MKRN2: variants seen among roughly 807,000 people sequenced by gnomAD.
MKRN2 encodes makorin ring finger protein 2.
Under a neutral mutation model 45.4 loss-of-function variants are expected in MKRN2, and 32 were observed. That is an observed-to-expected ratio of 0.70 (90% confidence interval 0.53 to 0.95). The LOEUF is 0.95. Among genes scored for constraint, MKRN2 ranks in the 40% least tolerant of loss-of-function variants. The pLI is 0.00. For missense variants in MKRN2, 526 were observed against 536.7 expected, an observed-to-expected ratio of 0.98 and a Z score of 0.20; for synonymous variants, 206 against 192.4, an observed-to-expected ratio of 1.07 and a Z score of -0.59.
chr3:12,577,472 T>C (rs541685645), intron 6 of MKRN2, among the ~76,000 whole-genome samples: 1 of 152,344 alleles, frequency 6.6e-6, no homozygotes, highest in East Asian at 1.9e-4. Flanking sequence ...TTTCAATCTT[T>C]TTTTCTTTTC....
intron 1 of MKRN2, among the ~76,000 whole-genome samples, chr3:12,557,422 C>T (rs1329657441): frequency 6.6e-6 from 1 of 152,208 alleles, no homozygotes; most frequent in Non-Finnish European, 1.5e-5. Context: ...GAAGCGTGGC[C>T]CCTGTGGGCT....
chr3:12,567,769 G>A (rs891384090), intron 1 of MKRN2, among the ~76,000 whole-genome samples: 1 of 152,024 alleles, frequency 6.6e-6, no homozygotes, highest in Non-Finnish European at 1.5e-5. Context: ...AGGATTACAG[G>A]TGTGAGCCAC....
rs940955490 is a variant in MKRN2 at position 12,583,569 on chromosome 3, G to C, written c.*1316G>C. The C allele has an allele frequency of 4.5e-6, 1 of 223,112 alleles. No homozygotes were observed. Among genetic ancestry groups the C allele is most frequent in the Non-Finnish European group, 8.9e-6 (1 of 111,842 alleles). 13.8% of individuals were successfully genotyped at this position (223,112 alleles called of 1,614,324 possible). A position where few individuals can be genotyped will look rare whatever the true frequency, so the allele number is the denominator to read the frequency against. ...ATGGGGCATTCAAGTTGTGAGCTCA[G>C]AATTACTTTAAAAGGAGGTAACAGC... On this transcript the variant is annotated 3_prime_UTR_variant, in exon 8 of 8. Coordinates refer to ENST00000170447, the MANE Select transcript of MKRN2 (RefSeq NM_014160.5).
intron 6 of MKRN2, 74 bp downstream of exon 6, chr3:12,576,815 T>C (rs2058140561): frequency 9.2e-7 from 1 of 1,084,390 alleles, no homozygotes; most frequent in African/African-American, 1.6e-5. Flanking sequence ...CTCGTTCTCC[T>C]TCCCAGGAGT....
At chr3:12,565,013 C>A (rs2125301489) in intron 1 of MKRN2, among the ~76,000 whole-genome samples, 1 of 152,314 alleles carries the variant, frequency 6.6e-6, no homozygotes, top group African/African-American at 2.4e-5. Context: ...TTTTCTCTGT[C>A]TGTTCATCAG....
chr3:12,558,005 A>G (rs778822696), intron 1 of MKRN2, among the ~76,000 whole-genome samples: 1 of 152,246 alleles, frequency 6.6e-6, no homozygotes, highest in Non-Finnish European at 1.5e-5. Flanking sequence ...AATGGAGTCT[A>G]GTCCTATTGA....
intron 1 of MKRN2, among the ~76,000 whole-genome samples, chr3:12,562,293 A>T (rs2058042797): frequency 6.6e-6 from 1 of 152,168 alleles, no homozygotes; most frequent in Admixed American, 6.5e-5. Flanking sequence ...TCATTTAGGG[A>T]AAATTTTGTA....
In MKRN2 at chr3:12,570,247, A is replaced by G. The variant is rs377539255; in HGVS notation, c.332A>G (p.Asp111Gly). ...KREKRTLVLRDRNLSGMAERK... is the reference protein window; with the variant it reads ...KREKRTLVLRGRNLSGMAERK... Reference sequence around the variant, plus strand: ...GAAAAGAGAACATTGGTTCTTAGAGACCGAAGTGAGTAAGCGGAAGCCTTT... The same window carrying G: ...GAAAAGAGAACATTGGTTCTTAGAGGCCGAAGTGAGTAAGCGGAAGCCTTT... The change falls in exon 3 of 8, where the codon GAC (aspartate) becomes GGC (glycine). Residue 111 changes from aspartate to glycine, a missense_variant. Transcript: ENST00000170447. 1 of 1,613,060 alleles carries G rather than the reference A, an allele frequency of 6.2e-7. No homozygotes were observed. The highest frequency in any genetic ancestry group is 8.5e-7 in the Non-Finnish European group (1 of 1,179,434).
rs756518735 is a variant in MKRN2 at position 12,574,809 on chromosome 3, C to T, written c.660C>T (p.Phe220=). Residue 220 remains phenylalanine (F), a synonymous_variant, in exon 5 of 8, where the codon TTC becomes TTT. Transcript: ENST00000170447. ...KAHEKICMLT[F]EHEMEKAFAF... ...TGCTTCAGATCTGCATGTTGACGTT[C>T]GAACACGAGATGGAAAAGGCCTTTG... 39 of 1,613,348 alleles carry T rather than the reference C, an allele frequency of 2.4e-5. No individual in the cohort carries two copies. The highest frequency in any genetic ancestry group is 2.3e-4 in the Admixed American group (14 of 59,996).
intron 2 of MKRN2, among the ~76,000 whole-genome samples, chr3:12,569,303 C>T (rs1038261430): frequency 3.6e-4 from 54 of 149,784 alleles, no homozygotes; most frequent in Non-Finnish European, 7.8e-4. Flanking sequence ...CAGGCATCTG[C>T]CACTACGCCT....
chr3:12,559,490 CTG>C (rs998254428), intron 1 of MKRN2, among the ~76,000 whole-genome samples: 14 of 151,946 alleles, frequency 9.2e-5, no homozygotes, highest in African/African-American at 3.1e-4. Flanking sequence ...GTTTTCCTGA[CTG>C]TGGGATGTGA....
intron 1 of MKRN2, among the ~76,000 whole-genome samples, chr3:12,559,784 T>C (rs1302513349): frequency 6.6e-6 from 1 of 152,228 alleles, no homozygotes; most frequent in Non-Finnish European, 1.5e-5. Context: ...TGTCTTCCAG[T>C]CTGTTTTCGG....
Position 12,570,075 on chromosome 3 carries a change from G to A in MKRN2, c.160G>A (p.Asp54Asn). The A allele has an allele frequency of 1.2e-6, 2 of 1,608,584 alleles. No individual in the cohort carries two copies. Among genetic ancestry groups the A allele is most frequent in the Non-Finnish European group, 1.7e-6 (2 of 1,178,250 alleles). The change falls in exon 3 of 8, where the codon GAC becomes AAC. Residue 54 changes from aspartate to asparagine, a missense_variant. Physicochemically the swap from Asp to Asn is conservative, Grantham distance 23. Coordinates refer to ENST00000170447, the MANE Select transcript of MKRN2 (RefSeq NM_014160.5). ...YCAYGTRCRY[D>N]HTRPSAAAGG... is the part of the protein sequence containing the mutation. Reference sequence around the variant, plus strand: ...TCTGCTGTGTGTTTTGTTTAGATATGACCACACGAGGCCCTCTGCTGCAGC... The same window carrying A: ...TCTGCTGTGTGTTTTGTTTAGATATAACCACACGAGGCCCTCTGCTGCAGC...
rs773007100 is a variant in MKRN2, at chr3:12,583,214, A to C, written c.*961A>C. On this transcript the variant is annotated 3_prime_UTR_variant, in exon 8 of 8. Coordinates refer to ENST00000170447, the MANE Select transcript of MKRN2 (RefSeq NM_014160.5). ...CTGACCCAGCAGTGGTCCTGAAGAG[A>C]GCTGATGGCAAGTCTTGTAGTCATT... The C allele has an allele frequency of 2.6e-5, 4 of 152,228 alleles. No homozygotes were observed. Among genetic ancestry groups the C allele is most frequent in the Non-Finnish European group, 4.4e-5 (3 of 68,054 alleles). 9.4% of individuals were successfully genotyped at this position (152,228 alleles called of 1,614,324 possible).
intron 6 of MKRN2, among the ~76,000 whole-genome samples, chr3:12,577,957 A>G (rs1323530224): frequency 6.6e-6 from 1 of 152,080 alleles, no homozygotes; most frequent in African/African-American, 2.4e-5. Flanking sequence ...GATTACAGGC[A>G]TGAGCCACTG....
chr3:12,562,233 C>T (rs1476069188), intron 1 of MKRN2, among the ~76,000 whole-genome samples: 1 of 152,192 alleles, frequency 6.6e-6, no homozygotes, highest in Non-Finnish European at 1.5e-5. Context: ...AGCAGGTTTT[C>T]AGCATGAACT....
rs1265035188 is a variant in MKRN2 at position 12,581,869 on chromosome 3, C to T, written c.1030C>T (p.Leu344Phe). 8.7e-6 allele frequency: 14 copies of T among 1,614,032 alleles called. No individual in the cohort carries two copies. Among genetic ancestry groups the T allele is most frequent in the Non-Finnish European group, 1.2e-5 (14 of 1,180,036 alleles). ...GACCTGCCCATTTGGAAGCAAATGT[C>T]TTTATCGCCATGCTTACCCCGATGG... is the stretch of plus-strand genomic sequence containing the variant. Reference protein sequence around the residue: ...KGTCPFGSKCLYRHAYPDGRL... With the variant: ...KGTCPFGSKCFYRHAYPDGRL... Residue 344 changes from leucine to phenylalanine, a missense_variant, in exon 7 of 8, where the codon CTT (leucine) becomes TTT (phenylalanine). Physicochemically the swap from Leu to Phe is conservative, Grantham distance 22. Coordinates refer to ENST00000170447, the MANE Select transcript of MKRN2 (RefSeq NM_014160.5).
At chr3:12,557,310 C>T in intron 1 of MKRN2, 134 bp downstream of exon 1, 1 of 1,250,238 alleles carries the variant, frequency 8.0e-7, no homozygotes, top group South Asian at 1.6e-5. Flanking sequence ...CGCGGCGGGG[C>T]TTTGCGAGGC....
chr3:12,576,501 T>G, intron 5 of MKRN2, 130 bp from the exon 6 acceptor site: 1 of 597,916 alleles, frequency 1.7e-6, no homozygotes, highest in Non-Finnish European at 3.0e-6. Flanking sequence ...ATGATTGTGA[T>G]TTCATCTTTT....
Sources: gnomAD v4.1 joint callset for allele counts (sites outside exome capture counted in the v4.1 genomes callset) on GRCh38, gnomAD v4.1.1 for gene constraint, MANE v1.5 for transcripts, NCBI Gene and HGNC (gene_info 2026-07-23, HGNC 2026-07-21) for gene names.